SLCO3A1: variants seen among roughly 807,000 people sequenced by gnomAD.
SLCO3A1 encodes the protein PGE1 transporter.
A neutral mutation model predicts 63.1 loss-of-function variants in SLCO3A1; 27 were observed. The observed-to-expected ratio is 0.43, with a 90% CI of 0.32 to 0.59. SLCO3A1 has a LOEUF of 0.59. Among genes scored for constraint, SLCO3A1 ranks in the 20% least tolerant of loss-of-function variants. The probability of loss-of-function intolerance (pLI) is 0.09; values close to 1 mark genes in which losing one functional copy is unlikely to be tolerated. For synonymous variants in SLCO3A1, 473 were observed against 409.9 expected (o/e 1.15, Z -1.86); for missense variants, 773 against 945.8 (o/e 0.82, Z 2.40).
At chr15:91,933,354 T>C (rs1347061491) in intron 2 of SLCO3A1, among the ~76,000 whole-genome samples, 1 of 152,226 alleles carries the variant, frequency 6.6e-6, no homozygotes, top group Non-Finnish European at 1.5e-5. Context: ...TTCTAGCTTC[T>C]AAGCCTGTCA....
At chr15:92,020,269 TATCCATCC>T (rs992430801) in intron 2 of SLCO3A1, among the ~76,000 whole-genome samples, 6 of 152,128 alleles carry the variant, frequency 3.9e-5, no homozygotes, top group South Asian at 4.2e-4. Flanking sequence ...ATCTGTACTC[TATCCATCC>T]ATCCATCCAT....
downstream of SLCO3A1, among the ~76,000 whole-genome samples, chr15:92,170,512 AC>A (rs1456756487): frequency 1.3e-5 from 2 of 152,222 alleles, no homozygotes; most frequent in East Asian, 3.8e-4. Flanking sequence ...TTATAAAGCC[AC>A]CAGGAGCCAG....
intron 1 of SLCO3A1, among the ~76,000 whole-genome samples, chr15:91,891,172 C>A (rs1467138621): frequency 6.6e-6 from 1 of 150,572 alleles, no homozygotes; most frequent in African/African-American, 2.4e-5. Context: ...TAGAACAGAA[C>A]CATTTTTAGG....
intron 2 of SLCO3A1, among the ~76,000 whole-genome samples, chr15:91,974,894 A>G (rs1186309197): frequency 6.6e-6 from 1 of 152,122 alleles, no homozygotes; most frequent in Non-Finnish European, 1.5e-5. Flanking sequence ...CTGGCACTAG[A>G]TACCCTTTAC....
chr15:91,903,214 G>A (rs1284304341), intron 1 of SLCO3A1, among the ~76,000 whole-genome samples: 1 of 152,208 alleles, frequency 6.6e-6, no homozygotes, highest in Non-Finnish European at 1.5e-5. Flanking sequence ...GATGCGAGGA[G>A]GAGGGACTGC....
intron 2 of SLCO3A1, among the ~76,000 whole-genome samples, chr15:91,957,371 C>T (rs930063503): frequency 3.3e-5 from 5 of 150,920 alleles, no homozygotes; most frequent in East Asian, 2.0e-4. Flanking sequence ...TCCCATCACA[C>T]CTGCAATCAA....
intron 2 of SLCO3A1, among the ~76,000 whole-genome samples, chr15:92,056,318 A>C (rs2047020946): frequency 6.6e-6 from 1 of 151,384 alleles, no homozygotes; most frequent in Non-Finnish European, 1.5e-5. Context: ...ATCTGCTCTA[A>C]ATTGAAGACC....
At chr15:92,054,837 T>C (rs1422824071) in intron 2 of SLCO3A1, among the ~76,000 whole-genome samples, 1 of 152,228 alleles carries the variant, frequency 6.6e-6, no homozygotes, top group African/African-American at 2.4e-5. Context: ...ACATTTTCTT[T>C]ATCCAGTCTG....
At chr15:91,952,283 C>T (rs1396548060) in intron 2 of SLCO3A1, among the ~76,000 whole-genome samples, 2 of 152,172 alleles carry the variant, frequency 1.3e-5, no homozygotes, top group African/African-American at 4.8e-5. Flanking sequence ...CTGTCATTTG[C>T]AAATGTTTTC....
At position 91,900,995 on chromosome 15, in the gene SLCO3A1, G is replaced by A. The variant is rs189182825; in HGVS notation, c.181-14998G>A. ...TCGATTTTTACTTCATGTATTATGG[G>A]GCTCTATTCTTAGGTTGATGTAGTT... On this transcript the variant is annotated intron_variant, in intron 1 of 9. Coordinates refer to ENST00000318445, the MANE Select transcript of SLCO3A1 (RefSeq NM_013272.4). The surrounding 1 kb of genome is among the most constrained non-coding windows in gnomAD (Gnocchi z 4.3). 6.6e-6 allele frequency among the ~76,000 whole-genome samples: 1 copy of A among 151,954 alleles called. No homozygotes were observed. Among genetic ancestry groups the A allele is most frequent in the African/African-American group, 2.4e-5 (1 of 41,430 alleles).
At chr15:91,975,635 A>G (rs1901074899) in intron 2 of SLCO3A1, among the ~76,000 whole-genome samples, 1 of 152,238 alleles carries the variant, frequency 6.6e-6, no homozygotes, top group Admixed American at 6.5e-5. Context: ...TGTCTCCAGC[A>G]GACAAGCTGC....
chr15:92,028,219 G>A (rs1352103777), intron 2 of SLCO3A1, among the ~76,000 whole-genome samples: 1 of 152,074 alleles, frequency 6.6e-6, no homozygotes, highest in Admixed American at 6.5e-5. Flanking sequence ...GAATGGCTGG[G>A]GGCCTCCTGG....
At chr15:92,112,387 T>C (rs959438058) in intron 4 of SLCO3A1, among the ~76,000 whole-genome samples, 3 of 152,242 alleles carry the variant, frequency 2.0e-5, no homozygotes, top group Non-Finnish European at 4.4e-5. Context: ...TTCTGAAGCA[T>C]CTGGACTTTA....
chr15:92,095,028 C>A, intron 3 of SLCO3A1, 49 bp downstream of exon 3: 2 of 1,296,918 alleles, frequency 1.5e-6, no homozygotes, highest in Non-Finnish European at 2.2e-6. Context: ...GCGTTTCCTC[C>A]CTCATAAATG....
intron 2 of SLCO3A1, among the ~76,000 whole-genome samples, chr15:92,042,592 C>T (rs1941662420): frequency 6.6e-6 from 1 of 152,082 alleles, no homozygotes; most frequent in Non-Finnish European, 1.5e-5. Context: ...TTGCCCACGT[C>T]CTACAAAGCA....
chr15:92,057,251 C>T (rs1179378245), intron 2 of SLCO3A1, among the ~76,000 whole-genome samples: 1 of 152,246 alleles, frequency 6.6e-6, no homozygotes, highest in Non-Finnish European at 1.5e-5. Flanking sequence ...GAGTGGGTCC[C>T]ATGCCCCTTC....
chr15:91,921,517 C>T (rs960049581), intron 2 of SLCO3A1, among the ~76,000 whole-genome samples: 7 of 152,122 alleles, frequency 4.6e-5, no homozygotes, highest in Admixed American at 3.3e-4. Context: ...TAATTTTTCT[C>T]TCTAAGTACT....
chr15:92,047,790 C>G (rs2046907959), intron 2 of SLCO3A1, among the ~76,000 whole-genome samples: 2 of 150,146 alleles, frequency 1.3e-5, no homozygotes, highest in Admixed American at 1.4e-4. Context: ...GGTTTGTAAT[C>G]AGCCTAGTTA....
chr15:91,895,391 T>C (rs1311899749), intron 1 of SLCO3A1, among the ~76,000 whole-genome samples: 2 of 152,252 alleles, frequency 1.3e-5, no homozygotes, highest in African/African-American at 4.8e-5. Flanking sequence ...AGTAGTTTAA[T>C]GTGATGCATA....
Sources: allele counts gnomAD v4.1 joint callset (sites outside exome capture counted in the v4.1 genomes callset), GRCh38; gene constraint gnomAD v4.1.1; non-coding constraint Gnocchi (gnomAD v3.1); transcripts MANE v1.5; gene names NCBI Gene and HGNC (gene_info 2026-07-23, HGNC 2026-07-21).